COMMD10: variants seen among roughly 807,000 people sequenced by gnomAD.
COMMD10 encodes COMM domain-containing protein 10.
COMMD10 carries 33 observed loss-of-function variants against 28.9 expected under a neutral mutation model. The observed-to-expected ratio is 1.14, with a 90% CI of 0.87 to 1.53. COMMD10 has a LOEUF of 1.53. Ranked by LOEUF, COMMD10 falls within the 40% of genes most tolerant of loss-of-function variation. The probability of loss-of-function intolerance (pLI) is 0.00; values close to 1 mark genes in which losing one functional copy is unlikely to be tolerated. For missense variants in COMMD10, 310 were observed against 233.4 expected, an observed-to-expected ratio of 1.33 and a Z score of -2.14; for synonymous variants, 110 against 81.7, an observed-to-expected ratio of 1.35 and a Z score of -1.87.
At chr5:116,284,298 C>G (rs935344912) in intron 5 of COMMD10, among the ~76,000 whole-genome samples, 1 of 151,648 alleles carries the variant, frequency 6.6e-6, no homozygotes, top group Admixed American at 6.6e-5. Flanking sequence ...TTTTTAAAAA[C>G]TACGCACAGT....
At chr5:116,093,950 G>A (rs1004431873) in intron 4 of COMMD10, among the ~76,000 whole-genome samples, 9 of 152,118 alleles carry the variant, frequency 5.9e-5, no homozygotes, top group African/African-American at 2.2e-4. Flanking sequence ...TTAATAAATG[G>A]TGCTAGGAAA....
intron 1 of COMMD10, 24 bp downstream of exon 1, chr5:116,085,117 C>G: frequency 6.3e-7 from 1 of 1,593,922 alleles, no homozygotes; most frequent in East Asian, 2.3e-5. Context: ...TAAGCTCTTG[C>G]GGTAGCCGCG....
chr5:116,259,522 C>G (rs539265118), intron 5 of COMMD10, among the ~76,000 whole-genome samples: 7 of 151,282 alleles, frequency 4.6e-5, no homozygotes, highest in Admixed American at 6.6e-5. Context: ...AATTTTTCCT[C>G]AAGTGTTTGG....
intron 5 of COMMD10, among the ~76,000 whole-genome samples, chr5:116,274,297 G>C (rs973950648): frequency 2.6e-5 from 4 of 151,826 alleles, no homozygotes; most frequent in Non-Finnish European, 2.9e-5. Context: ...GTCTACAATA[G>C]AGTTTGGCAA....
rs114180714 is a variant in COMMD10, at chr5:116,235,056, C to A, written c.511-56461C>A. On this transcript the variant is annotated intron_variant, in intron 5 of 6. Transcript: ENST00000274458. Reference sequence around the variant, plus strand: ...TTTGTAAAAGGACATAAAAATCAATCATTTGTATAATATAATTTCAGATCT... The same window carrying A: ...TTTGTAAAAGGACATAAAAATCAATAATTTGTATAATATAATTTCAGATCT... Among the ~76,000 whole-genome samples the A allele has an allele frequency of 7.5e-3, 1,135 of 152,244 alleles. 23 individuals carry two copies. The highest frequency in any genetic ancestry group is 0.026 in the African/African-American group (1,095 of 41,548).
chr5:116,202,852 T>C (rs1456660728), intron 5 of COMMD10, among the ~76,000 whole-genome samples: 1 of 152,064 alleles, frequency 6.6e-6, no homozygotes, highest in African/African-American at 2.4e-5. Flanking sequence ...TTCACTCCGA[T>C]GGTAGTTTCT....
intron 5 of COMMD10, among the ~76,000 whole-genome samples, chr5:116,251,389 C>A (rs1221363276): frequency 7.0e-6 from 1 of 143,676 alleles, no homozygotes; most frequent in African/African-American, 2.6e-5. Flanking sequence ...TGTGCTGCAC[C>A]CACTAACTCG....
chr5:116,162,350 T>A (rs1029241245), intron 5 of COMMD10, among the ~76,000 whole-genome samples: 2 of 152,110 alleles, frequency 1.3e-5, no homozygotes, highest in Admixed American at 6.6e-5. Context: ...AGTAGTTTCA[T>A]TGACCTATTT....
At chr5:116,136,923 C>T (rs565212979) in intron 5 of COMMD10, among the ~76,000 whole-genome samples, 1 of 152,174 alleles carries the variant, frequency 6.6e-6, no homozygotes, top group East Asian at 1.9e-4. Flanking sequence ...TTGTCTTTCT[C>T]TTCTATGGCA....
At chr5:116,179,739 G>T (rs1465983055) in intron 5 of COMMD10, among the ~76,000 whole-genome samples, 1 of 152,080 alleles carries the variant, frequency 6.6e-6, no homozygotes, top group African/African-American at 2.4e-5. Flanking sequence ...TGAGCAGGAT[G>T]ACTTGATAAA....
chr5:116,288,222 T>A (rs750061101), intron 5 of COMMD10, among the ~76,000 whole-genome samples: 7 of 151,812 alleles, frequency 4.6e-5, no homozygotes, highest in African/African-American at 7.3e-5. Context: ...GATTAATAGT[T>A]TTTTTGTTTT....
At chr5:116,141,191 G>A (rs1469902260) in intron 5 of COMMD10, among the ~76,000 whole-genome samples, 2 of 151,278 alleles carry the variant, frequency 1.3e-5, no homozygotes, top group South Asian at 2.1e-4. Context: ...CAATTCTTTC[G>A]TTATTGCATC....
chr5:116,105,808 C>T (rs1414303174), intron 4 of COMMD10, among the ~76,000 whole-genome samples: 1 of 152,064 alleles, frequency 6.6e-6, no homozygotes, highest in African/African-American at 2.4e-5. Flanking sequence ...GGTGAAGTCC[C>T]CTTTATCATT....
chr5:116,143,295 G>A (rs539053058), intron 5 of COMMD10, among the ~76,000 whole-genome samples: 15 of 151,512 alleles, frequency 9.9e-5, no homozygotes, highest in African/African-American at 3.6e-4. Context: ...CAAAAATACT[G>A]TTTCAGATGC....
chr5:116,094,898 T>C (rs1170437358), intron 4 of COMMD10, among the ~76,000 whole-genome samples: 1 of 152,178 alleles, frequency 6.6e-6, no homozygotes, highest in Non-Finnish European at 1.5e-5. Context: ...GTCTTTATGT[T>C]ACGTGAAATA....
At chr5:116,106,464 A>C (rs1000550704) in intron 4 of COMMD10, among the ~76,000 whole-genome samples, 3 of 152,116 alleles carry the variant, frequency 2.0e-5, no homozygotes, top group African/African-American at 7.2e-5. Flanking sequence ...TATTCTGTTG[A>C]TTTGGTGTGG....
intron 5 of COMMD10, among the ~76,000 whole-genome samples, chr5:116,257,669 C>T (rs1750326122): frequency 6.6e-6 from 1 of 151,528 alleles, no homozygotes; most frequent in Non-Finnish European, 1.5e-5. Flanking sequence ...TTTGTAAAGA[C>T]ATTTAAGGCG....
chr5:116,257,729 CAAAT>C (rs915981807), intron 5 of COMMD10, among the ~76,000 whole-genome samples: 2 of 151,502 alleles, frequency 1.3e-5, no homozygotes, highest in African/African-American at 2.4e-5. Flanking sequence ...AATAATATAT[CAAAT>C]AAAAGGAATA....
chr5:116,207,203 T>G (rs1315275573), intron 5 of COMMD10, among the ~76,000 whole-genome samples: 1 of 152,212 alleles, frequency 6.6e-6, no homozygotes, highest in Non-Finnish European at 1.5e-5. Context: ...CTCCCATGGT[T>G]TTGAAATAAG....
Sources: allele counts gnomAD v4.1 joint callset (sites outside exome capture counted in the v4.1 genomes callset), GRCh38; gene constraint gnomAD v4.1.1; transcripts MANE v1.5; gene names NCBI Gene and HGNC (gene_info 2026-07-23, HGNC 2026-07-21).